Variants in CERKL observed in about 807,000 individuals in gnomAD.
CERKL encodes CERK like autophagy regulator.
CERKL carries 61 observed loss-of-function variants against 63.4 expected under a neutral mutation model. The observed-to-expected ratio is 0.96, with a 90% CI of 0.78 to 1.19. The LOEUF is 1.19. Ranked by LOEUF, CERKL falls within the 50% of genes most tolerant of loss-of-function variation. The pLI, the probability that CERKL is intolerant of heterozygous loss-of-function variation, is 0.00. For synonymous variants in CERKL, 250 were observed against 230.5 expected (o/e 1.08, Z -0.77); for missense variants, 675 against 655.5 (o/e 1.03, Z -0.33).
rs575796616 is a variant in CERKL, at chr2:181,586,331, A to G, written c.482-12447T>C. Reference sequence around the variant, plus strand: ...TAACTCTCTGGAAAACATTTTTAAAATGCTCCAACACAAGGCATCAGGTAG... The same window carrying G: ...TAACTCTCTGGAAAACATTTTTAAAGTGCTCCAACACAAGGCATCAGGTAG... On this transcript the variant is annotated intron_variant, in intron 2 of 12. Coordinates refer to ENST00000410087, the MANE Select transcript of CERKL (RefSeq NM_201548.5). Among the ~76,000 whole-genome samples the G allele has an allele frequency of 2.6e-5, 4 of 152,288 alleles. No homozygotes were observed. In the South Asian group the frequency reaches 8.3e-4, roughly 32 times the overall value.
intron 3 of CERKL, among the ~76,000 whole-genome samples, chr2:181,567,133 C>T (rs2105835101): frequency 6.6e-6 from 1 of 152,134 alleles, no homozygotes; most frequent in South Asian, 2.1e-4. Flanking sequence ...TTCAAAATGC[C>T]ATTAACACTC....
In CERKL at chr2:181,545,833, C is replaced by T. The variant is rs142493171; in HGVS notation, c.1269-1037G>A. Among the ~76,000 whole-genome samples, 767 of 152,252 alleles carry T rather than the reference C, an allele frequency of 5.0e-3. 8 individuals are homozygous for T. Among genetic ancestry groups the T allele is most frequent in the African/African-American group, 0.018 (730 of 41,550 alleles). On this transcript the variant is annotated intron_variant, in intron 10 of 12. Coordinates refer to ENST00000410087, the MANE Select transcript of CERKL (RefSeq NM_201548.5). ...CATTAAAAGCACTATCCTATGCCTG[C>T]TTTGCAATATTTACTTGAAATAGAA...
intron 1 of CERKL, among the ~76,000 whole-genome samples, chr2:181,613,984 A>G (rs1266083150): frequency 6.6e-6 from 1 of 152,226 alleles, no homozygotes; most frequent in Non-Finnish European, 1.5e-5. Flanking sequence ...TTCTATAAAC[A>G]AGCTTAAAAT....
intron 2 of CERKL, among the ~76,000 whole-genome samples, chr2:181,584,760 C>A (rs1024350879): frequency 6.6e-6 from 1 of 151,706 alleles, no homozygotes; most frequent in African/African-American, 2.4e-5. Context: ...GGCCACATAT[C>A]CATTTTAAAA....
intron 2 of CERKL, among the ~76,000 whole-genome samples, chr2:181,574,658 TG>T (rs1689047003): frequency 6.6e-6 from 1 of 152,114 alleles, no homozygotes; most frequent in African/African-American, 2.4e-5. Flanking sequence ...CAGGAGGGAC[TG>T]AGGAGCAAAA....
In CERKL at chr2:181,577,342, T is replaced by A. The variant is rs143376783; in HGVS notation, c.482-3458A>T. ...GTGCCAGCTAGAGGTATCTAATGGA[T>A]TGAGCTTCAACACTGAGAACTTTTA... is the stretch of plus-strand genomic sequence containing the variant. On this transcript the variant is annotated intron_variant, in intron 2 of 12. Transcript: ENST00000410087. Among the ~76,000 whole-genome samples, 456 of 152,254 alleles carry A rather than the reference T, an allele frequency of 3.0e-3. 3 individuals are homozygous for A. The highest frequency in any genetic ancestry group is 0.01 in the African/African-American group (427 of 41,540).
At chr2:181,654,698 A>G (rs1221774391) in intron 1 of CERKL, among the ~76,000 whole-genome samples, 5 of 152,162 alleles carry the variant, frequency 3.3e-5, no homozygotes, top group Admixed American at 1.3e-4. Context: ...ACTCACATCT[A>G]AGCTTATTCA....
chr2:181,648,447 T>C (rs923428378), intron 1 of CERKL, among the ~76,000 whole-genome samples: 22 of 151,960 alleles, frequency 1.4e-4, no homozygotes, highest in Non-Finnish European at 2.8e-4. Flanking sequence ...AGATACTATA[T>C]CCAGCAAAAC....
chr2:181,632,176 A>G (rs1030242452), intron 1 of CERKL, among the ~76,000 whole-genome samples: 9 of 152,316 alleles, frequency 5.9e-5, no homozygotes, highest in African/African-American at 2.2e-4. Flanking sequence ...ATAAACTTTG[A>G]GAAGTATTAT....
At chr2:181,632,115 G>C (rs970838697) in intron 1 of CERKL, among the ~76,000 whole-genome samples, 4 of 152,058 alleles carry the variant, frequency 2.6e-5, no homozygotes, top group East Asian at 1.9e-4. Flanking sequence ...TTGTATCTTT[G>C]CCTTTGCCAA....
At position 181,541,993 on chromosome 2, in the gene CERKL, T is replaced by G. The variant is rs907841200; in HGVS notation, c.1365+2707A>C. Reference sequence around the variant, plus strand: ...GACGAGATGACAGAACCCTTGGGAGTGCATGATGTTCAGACAGTTCAAAAG... The same window carrying G: ...GACGAGATGACAGAACCCTTGGGAGGGCATGATGTTCAGACAGTTCAAAAG... On this transcript the variant is annotated intron_variant, in intron 11 of 12. Coordinates refer to ENST00000410087, the MANE Select transcript of CERKL (RefSeq NM_201548.5). 3.3e-5 allele frequency among the ~76,000 whole-genome samples: 5 copies of G among 151,770 alleles called. 1 individual carries two copies. The Middle Eastern group carries it at 0.01, about 310-fold the overall frequency.
intron 1 of CERKL, among the ~76,000 whole-genome samples, chr2:181,616,231 T>TTTTA (rs1194554020): frequency 9.1e-6 from 1 of 110,108 alleles, no homozygotes; most frequent in African/African-American, 3.0e-5. Context: ...TTTTTTTTTT[T>TTTTA]AAGACAGAGT....
intron 2 of CERKL, among the ~76,000 whole-genome samples, chr2:181,590,722 T>C (rs1280250651): frequency 1.3e-5 from 2 of 152,218 alleles, no homozygotes; most frequent in Non-Finnish European, 2.9e-5. Context: ...TGATATACCA[T>C]TGTTTACCTA....
chr2:181,631,789 G>A (rs1211339758), intron 1 of CERKL, among the ~76,000 whole-genome samples: 1 of 152,180 alleles, frequency 6.6e-6, no homozygotes, highest in African/African-American at 2.4e-5. Flanking sequence ...AGGGGAAAGA[G>A]AAGGAAATGG....
chr2:181,625,767 C>A (rs1000906158), intron 1 of CERKL, among the ~76,000 whole-genome samples: 1 of 152,174 alleles, frequency 6.6e-6, no homozygotes, highest in East Asian at 1.9e-4. Flanking sequence ...TGCATTCATT[C>A]ATTCAACGAA....
chr2:181,545,222 A>T (rs900139462), intron 10 of CERKL, among the ~76,000 whole-genome samples: 19 of 152,254 alleles, frequency 1.2e-4, no homozygotes, highest in African/African-American at 4.1e-4. Flanking sequence ...AGTGTGATTT[A>T]AATATTTATT....
chr2:181,605,485 C>G (rs1308188414), intron 1 of CERKL, among the ~76,000 whole-genome samples: 1 of 152,164 alleles, frequency 6.6e-6, no homozygotes, highest in African/African-American at 2.4e-5. Flanking sequence ...CATGGAAATT[C>G]ATATGACATT....
chr2:181,587,568 T>TA (rs1230681118), intron 2 of CERKL, among the ~76,000 whole-genome samples: 2 of 152,124 alleles, frequency 1.3e-5, no homozygotes, highest in Non-Finnish European at 2.9e-5. Context: ...AAATCCAGAC[T>TA]AAAAAGAGAT....
rs926537793 is a variant in CERKL at position 181,573,670 on chromosome 2, A to G, written c.613+83T>C. ...TATAGATATTACAAGTAGTTTCCCA[A>G]GTTTGCATTAAGGACAAATTCAGAT... On this transcript the variant is annotated intron_variant, in intron 3 of 12. Transcript: ENST00000410087. 1.5e-5 allele frequency: 20 copies of G among 1,301,880 alleles called. No homozygotes were observed. The African/African-American group carries it at 1.7e-4, about 11-fold the overall frequency. The allele number at this position is 1,301,880 out of a possible 1,614,324, so 80.6% of individuals were successfully genotyped here. A position where few individuals can be genotyped will look rare whatever the true frequency, so the allele number is the denominator to read the frequency against.
Sources: gnomAD v4.1 joint callset for allele counts (sites outside exome capture counted in the v4.1 genomes callset) on GRCh38, gnomAD v4.1.1 for gene constraint, MANE v1.5 for transcripts, NCBI Gene and HGNC (gene_info 2026-07-23, HGNC 2026-07-21) for gene names.